SAMD12: variants seen among roughly 807,000 people sequenced by gnomAD.
SAMD12 encodes the protein sterile alpha motif domain-containing protein 12.
In SAMD12, 9 loss-of-function variants were observed where a neutral mutation model predicts 15.0. The observed-to-expected ratio is 0.60, with a 90% CI of 0.36 to 1.05. The LOEUF is 1.05. SAMD12 is among the 50% of genes least tolerant of loss of function. The pLI, the probability that SAMD12 is intolerant of heterozygous loss-of-function variation, is 0.01. For missense variants in SAMD12, 230 were observed against 234.2 expected (o/e 0.98, Z 0.12); for synonymous variants, 86 against 90.1 (o/e 0.96, Z 0.25).
intron 4 of SAMD12, among the ~76,000 whole-genome samples, chr8:118,300,272 G>A (rs997533701): frequency 6.6e-6 from 1 of 152,046 alleles, no homozygotes; most frequent in Non-Finnish European, 1.5e-5. Flanking sequence ...CTATCTAGCC[G>A]TAATTTTGTA....
At position 118,362,652 on chromosome 8, in the gene SAMD12, G is replaced by C. The variant is rs187208845; in HGVS notation, c.433+16908C>G. 1.8e-3 allele frequency among the ~76,000 whole-genome samples: 277 copies of C among 152,248 alleles called. 1 individual carries two copies. Among genetic ancestry groups the C allele is most frequent in the Non-Finnish European group, 2.0e-3 (138 of 68,028 alleles). On this transcript the variant is annotated intron_variant, in intron 4 of 4. Coordinates refer to the SAMD12 transcript ENST00000409003. ...GTTTCTCTAATAGAACTTGGAAAGA[G>C]GGAGCCTTTAGATGTATAAATCAAA...
At chr8:118,496,421 C>G (rs898218700) in intron 2 of SAMD12, among the ~76,000 whole-genome samples, 2 of 151,988 alleles carry the variant, frequency 1.3e-5, no homozygotes, top group African/African-American at 4.8e-5. Context: ...AAGCTGCATA[C>G]CTGCAACCAT....
At chr8:118,177,383 G>A in the SAMD12 span, among the ~76,000 whole-genome samples, 2 of 152,044 alleles carry the variant, frequency 1.3e-5, no homozygotes, top group Admixed American at 6.6e-5. Flanking sequence ...TGGGACTATG[G>A]GCATGCACCA....
intron 4 of SAMD12, among the ~76,000 whole-genome samples, chr8:118,220,894 T>G (rs984181110): frequency 6.6e-6 from 1 of 152,106 alleles, no homozygotes; most frequent in Non-Finnish European, 1.5e-5. Flanking sequence ...CCTGTCCTTG[T>G]GCCAACTGCC....
At chr8:118,586,544 T>C (rs1373272137) in intron 1 of SAMD12, among the ~76,000 whole-genome samples, 1 of 152,112 alleles carries the variant, frequency 6.6e-6, no homozygotes, top group Non-Finnish European at 1.5e-5. Context: ...GGTTCTGCCA[T>C]GTTGCCCAGG....
At chr8:118,450,497 C>A (rs1823046988) in intron 2 of SAMD12, among the ~76,000 whole-genome samples, 1 of 152,128 alleles carries the variant, frequency 6.6e-6, no homozygotes, top group East Asian at 1.9e-4. Flanking sequence ...ATGCCCTGAG[C>A]ACATACCAAG....
intron 4 of SAMD12, among the ~76,000 whole-genome samples, chr8:118,257,409 C>T (rs1317886797): frequency 6.6e-6 from 1 of 152,048 alleles, no homozygotes; most frequent in Non-Finnish European, 1.5e-5. Context: ...CTAATGTTGC[C>T]TTTTTGAAAA....
At chr8:118,156,164 C>T in the SAMD12 span, among the ~76,000 whole-genome samples, 3 of 152,154 alleles carry the variant, frequency 2.0e-5, no homozygotes, top group Admixed American at 6.5e-5. Context: ...CCAGCTTAAG[C>T]AGAGGTGCTC....
chr8:118,391,524 C>G (rs1480677622), intron 3 of SAMD12, among the ~76,000 whole-genome samples: 3 of 152,102 alleles, frequency 2.0e-5, no homozygotes, highest in Non-Finnish European at 2.9e-5. Context: ...GTGGTCATAA[C>G]AACTAAACAC....
intron 4 of SAMD12, among the ~76,000 whole-genome samples, chr8:118,276,224 CTAT>C (rs1186405248): frequency 6.6e-6 from 1 of 152,178 alleles, no homozygotes; most frequent in Non-Finnish European, 1.5e-5. Context: ...AAATTTCCTA[CTAT>C]ATTTTAGAAT....
chr8:118,279,954 C>A (rs1194850897), intron 4 of SAMD12, among the ~76,000 whole-genome samples: 5 of 152,158 alleles, frequency 3.3e-5, no homozygotes, highest in Non-Finnish European at 7.4e-5. Context: ...CCTATGTTGG[C>A]AAGTTTCTTG....
intron 4 of SAMD12, among the ~76,000 whole-genome samples, chr8:118,337,647 G>A (rs868154406): frequency 2.2e-4 from 33 of 152,276 alleles, no homozygotes; most frequent in African/African-American, 7.2e-4. Context: ...TAAACTCAGC[G>A]TGTATCCACA....
At chr8:118,180,818 C>CCCAAGGTCAAAT in the SAMD12 span, among the ~76,000 whole-genome samples, 15 of 151,112 alleles carry the variant, frequency 9.9e-5, no homozygotes, top group South Asian at 2.9e-3. Context: ...GCTTTGACCT[C>CCCAAGGTCAAAT]CCAAGGTACT....
At chr8:118,464,223 T>C (rs924181207) in intron 2 of SAMD12, among the ~76,000 whole-genome samples, 5 of 152,230 alleles carry the variant, frequency 3.3e-5, no homozygotes, top group Non-Finnish European at 5.9e-5. Context: ...TATATTTATA[T>C]AGCTGATGCG....
chr8:118,145,871 A>G, the SAMD12 span, among the ~76,000 whole-genome samples: 1 of 152,158 alleles, frequency 6.6e-6, no homozygotes, highest in Non-Finnish European at 1.5e-5. Flanking sequence ...GCCCAAAAAG[A>G]TCGTGGCCTC....
At chr8:118,242,722 A>G (rs1812600920) in intron 4 of SAMD12, among the ~76,000 whole-genome samples, 1 of 152,094 alleles carries the variant, frequency 6.6e-6, no homozygotes, top group Admixed American at 6.6e-5. Flanking sequence ...CCCCTGCCAC[A>G]TCCCCACTCC....
At chr8:118,618,098 G>A (rs903357723) in intron 1 of SAMD12, among the ~76,000 whole-genome samples, 1 of 151,326 alleles carries the variant, frequency 6.6e-6, no homozygotes, top group African/African-American at 2.4e-5. Flanking sequence ...CCATAAGGTC[G>A]TACCCTGTTC....
At chr8:118,366,813 AAAT>A (rs377381242) in intron 4 of SAMD12, among the ~76,000 whole-genome samples, 9,441 of 55,834 alleles carry the variant, frequency 0.17, 396 homozygotes, top group South Asian at 0.26. Flanking sequence ...ACTCTGTCTC[AAAT>A]AAAATAAAAT....
rs538653047 is a variant in SAMD12 at position 118,334,027 on chromosome 8, T to C, written c.433+45533A>G. Among the ~76,000 whole-genome samples the C allele has an allele frequency of 1.1e-4, 16 of 152,004 alleles. 1 individual carries two copies. In the East Asian group the frequency reaches 3.1e-3, roughly 30 times the overall value. On this transcript the variant is annotated intron_variant, in intron 4 of 4. Transcript: ENST00000409003. ...GAGTGTCCCACCCCTTCAGTGCCCA[T>C]CCTGCAAACCAATAATCCTCTTTCA... is the stretch of plus-strand genomic sequence containing the variant.
Sources: gnomAD v4.1 joint callset for allele counts (sites outside exome capture counted in the v4.1 genomes callset) on GRCh38, gnomAD v4.1.1 for gene constraint, MANE v1.5 for transcripts, NCBI Gene and HGNC (gene_info 2026-07-23, HGNC 2026-07-21) for gene names.